Variants in GABRR3 observed in about 807,000 individuals in gnomAD.
GABRR3 encodes the protein gamma-aminobutyric acid receptor subunit rho-3.
A neutral mutation model predicts 43.2 loss-of-function variants in GABRR3; 29 were observed. The observed-to-expected ratio is 0.67, with a 90% CI of 0.50 to 0.92. The LOEUF (loss-of-function observed/expected upper bound fraction) is 0.92. GABRR3 is among the 40% of genes least tolerant of loss of function. GABRR3 has a pLI of 0.00. For missense variants in GABRR3, 576 were observed against 572.3 expected, an observed-to-expected ratio of 1.01 and a Z score of -0.07; for synonymous variants, 206 against 195.9, an observed-to-expected ratio of 1.05 and a Z score of -0.43.
At chr3:98,021,414 T>C (rs1489177355) in intron 3 of GABRR3, among the ~76,000 whole-genome samples, 1 of 152,210 alleles carries the variant, frequency 6.6e-6, no homozygotes, top group Admixed American at 6.5e-5. Context: ...TTTGTAGCCA[T>C]ATAAACCTGA....
intron 8 of GABRR3, chr3:98,000,990 C>G (rs953356508): frequency 6.6e-6 from 1 of 152,202 alleles, no homozygotes; most frequent in Non-Finnish European, 1.5e-5. Flanking sequence ...GATAATCAAC[C>G]CTGTGTAGTG....
chr3:98,013,400 G>T (rs1706832405), intron 4 of GABRR3, among the ~76,000 whole-genome samples: 1 of 152,122 alleles, frequency 6.6e-6, no homozygotes, highest in African/African-American at 2.4e-5. Context: ...CCAAATATTT[G>T]GTTGTTTGAA....
chr3:98,008,529 A>AG (rs1159065868), intron 6 of GABRR3, among the ~76,000 whole-genome samples: 4 of 152,252 alleles, frequency 2.6e-5, no homozygotes, highest in East Asian at 3.9e-4. Context: ...GGCTTTGATT[A>AG]GGGGGTCTAT....
chr3:97,988,940 G>T (rs1310936721), intron 9 of GABRR3, among the ~76,000 whole-genome samples: 2 of 150,720 alleles, frequency 1.3e-5, no homozygotes, highest in African/African-American at 2.4e-5. Flanking sequence ...AGTGGGGATG[G>T]TGGTGGTGGT....
chr3:97,998,330 T>A (rs1022680728), intron 8 of GABRR3: 1 of 152,140 alleles, frequency 6.6e-6, no homozygotes, highest in Non-Finnish European at 1.5e-5. Context: ...GAGATTATGA[T>A]CCAAACCAGT....
intron 8 of GABRR3, among the ~76,000 whole-genome samples, chr3:97,993,861 C>G (rs982234056): frequency 6.6e-6 from 1 of 151,740 alleles, no homozygotes; most frequent in Non-Finnish European, 1.5e-5. Flanking sequence ...CTGGCATGAT[C>G]ATCAGAGGTA....
downstream of GABRR3, chr3:97,986,586 C>G: frequency 1.2e-6 from 1 of 808,014 alleles, no homozygotes; most frequent in Non-Finnish European, 1.9e-6. Context: ...GTGACTTGCT[C>G]TTTCCCAGTT....
At chr3:98,017,271 T>G (rs1202624829) in intron 4 of GABRR3, among the ~76,000 whole-genome samples, 1 of 152,232 alleles carries the variant, frequency 6.6e-6, no homozygotes, top group Non-Finnish European at 1.5e-5. Flanking sequence ...AGTCCATCAA[T>G]GCTGGTTCAA....
intron 3 of GABRR3, among the ~76,000 whole-genome samples, chr3:98,025,293 A>G (rs1001532321): frequency 2.0e-5 from 3 of 152,232 alleles, no homozygotes; most frequent in African/African-American, 7.2e-5. Flanking sequence ...TAGTTAGAAA[A>G]TAAGTTGGTG....
At chr3:98,034,800 T>C in intron 2 of GABRR3, 63 bp downstream of exon 2, 2 of 1,594,150 alleles carry the variant, frequency 1.3e-6, no homozygotes, top group Non-Finnish European at 1.7e-6. Context: ...TTCCTGTAGG[T>C]CTGAGACAAC....
At chr3:97,997,340 C>T (rs1025796583) in intron 8 of GABRR3, 1 of 152,038 alleles carries the variant, frequency 6.6e-6, no homozygotes, top group East Asian at 1.9e-4. Flanking sequence ...CCCAAAAGAT[C>T]AAAATCTCTA....
intron 7 of GABRR3, among the ~76,000 whole-genome samples, chr3:98,005,977 A>C (rs1706720400): frequency 6.6e-6 from 1 of 152,124 alleles, no homozygotes; most frequent in South Asian, 2.1e-4. Flanking sequence ...TATAAATTAT[A>C]CTTCACATAT....
chr3:98,024,641 G>T (rs948701386), intron 3 of GABRR3, among the ~76,000 whole-genome samples: 25 of 152,126 alleles, frequency 1.6e-4, no homozygotes, highest in African/African-American at 5.8e-4. Flanking sequence ...TACTGCCAGA[G>T]GATCTTTCTT....
At chr3:97,986,918 C>T in exon 10 of GABRR3, 2 of 1,611,794 alleles carry the variant, frequency 1.2e-6, no homozygotes, top group Non-Finnish European at 1.7e-6. Context: ...GTCAATCTCG[C>T]TGTCATGGTA....
At chr3:98,003,079 C>T (rs1001608352) in intron 7 of GABRR3, among the ~76,000 whole-genome samples, 1 of 151,856 alleles carries the variant, frequency 6.6e-6, no homozygotes, top group Non-Finnish European at 1.5e-5. Flanking sequence ...ATTTTATTAC[C>T]AGGAGTAATA....
At chr3:98,007,494 A>G (rs1706735964) in intron 7 of GABRR3, among the ~76,000 whole-genome samples, 1 of 152,200 alleles carries the variant, frequency 6.6e-6, no homozygotes, top group South Asian at 2.1e-4. Context: ...AGAATTGTGA[A>G]CTTTATGTTC....
chr3:98,016,489 T>G (rs113362356), intron 4 of GABRR3, among the ~76,000 whole-genome samples: 2 of 152,278 alleles, frequency 1.3e-5, no homozygotes, highest in African/African-American at 4.8e-5. Context: ...GCTCCTTGTA[T>G]GGCCTGCAGA....
chr3:98,001,547 C>T, intron 8 of GABRR3, 68 bp downstream of exon 8: 4 of 1,528,806 alleles, frequency 2.6e-6, no homozygotes, highest in Non-Finnish European at 3.6e-6. Context: ...CCATGTATGA[C>T]CCATTTTATT....
chr3:98,022,406 C>T (rs750623245), intron 3 of GABRR3, among the ~76,000 whole-genome samples: 2 of 152,300 alleles, frequency 1.3e-5, no homozygotes, highest in Non-Finnish European at 2.9e-5. Flanking sequence ...TAGGAAGACA[C>T]ATTAAGGCAA....
Sources: allele counts gnomAD v4.1 joint callset (sites outside exome capture counted in the v4.1 genomes callset), GRCh38; gene constraint gnomAD v4.1.1; transcripts MANE v1.5; gene names NCBI Gene and HGNC (gene_info 2026-07-23, HGNC 2026-07-21).